Variants in ACOXL observed in about 807,000 individuals in gnomAD.
ACOXL encodes acyl-CoA oxidase like, also known as acyl-coenzyme A oxidase-like protein.
Under a neutral mutation model 71.9 loss-of-function variants are expected in ACOXL, and 70 were observed. The observed-to-expected ratio is 0.97, with a 90% confidence interval of 0.80 to 1.19. The LOEUF is 1.19. Among genes scored for constraint, ACOXL ranks in the 50% most tolerant of loss-of-function variants. The probability of loss-of-function intolerance (pLI) is 0.00; values close to 1 mark genes in which losing one functional copy is unlikely to be tolerated. For synonymous variants in ACOXL, 253 were observed against 281.6 expected (o/e 0.90, Z 1.02); for missense variants, 703 against 736.3 (o/e 0.95, Z 0.52).
At chr2:110,892,011 G>A (rs12328918) in intron 10 of ACOXL, among the ~76,000 whole-genome samples, 50,004 of 151,992 alleles carry the variant, frequency 0.33, 8,431 homozygotes, top group Middle Eastern at 0.39. Context: ...CAAAAACTCA[G>A]ATGACCTTGT....
chr2:110,993,715 G>A (rs1473222986), intron 13 of ACOXL, among the ~76,000 whole-genome samples: 2 of 152,126 alleles, frequency 1.3e-5, no homozygotes, highest in African/African-American at 4.8e-5. Flanking sequence ...ACAACATTTT[G>A]CAAAGAGATT....
chr2:110,787,504 A>G (rs959854683), intron 3 of ACOXL, among the ~76,000 whole-genome samples: 1 of 147,720 alleles, frequency 6.8e-6, no homozygotes, highest in African/African-American at 2.5e-5. Flanking sequence ...ACTGCATTCC[A>G]GCCTGGGTGA....
intron 12 of ACOXL, among the ~76,000 whole-genome samples, chr2:110,980,383 G>A (rs1176929033): frequency 6.6e-6 from 1 of 152,244 alleles, no homozygotes; most frequent in Admixed American, 6.5e-5. Context: ...GAGCGAAAAT[G>A]TGTGCAGGGG....
chr2:110,978,902 A>G (rs1385169670), intron 12 of ACOXL, among the ~76,000 whole-genome samples: 2 of 152,180 alleles, frequency 1.3e-5, no homozygotes, highest in Non-Finnish European at 2.9e-5. Flanking sequence ...TTCAGTTGAA[A>G]AAAATTCCAC....
chr2:111,052,911 A>C (rs897827267), intron 16 of ACOXL, among the ~76,000 whole-genome samples: 7 of 152,106 alleles, frequency 4.6e-5, no homozygotes, highest in Non-Finnish European at 8.8e-5. Context: ...CGGAGCTGCC[A>C]TGGAAGTTTC....
intron 10 of ACOXL, among the ~76,000 whole-genome samples, chr2:110,849,940 A>T (rs749017969): frequency 1.3e-5 from 2 of 152,244 alleles, no homozygotes; most frequent in Non-Finnish European, 2.9e-5. Context: ...ACATAGGAAG[A>T]AGTCAGGAGC....
In ACOXL at chr2:110,983,896, C is replaced by T. The variant is rs150838522; in HGVS notation, c.1060-3212C>T. 4.0e-3 allele frequency among the ~76,000 whole-genome samples: 615 copies of T among 152,250 alleles called. 7 individuals are homozygous for T. Among genetic ancestry groups the T allele is most frequent in the African/African-American group, 0.014 (591 of 41,536 alleles). On this transcript the variant is annotated intron_variant, in intron 12 of 17. Transcript: ENST00000439055. The stretch of plus-strand genomic sequence containing the variant: ...ACAGAGTCTCACTCTGTCGCCCAGG[C>T]TGGAGTGCAGTGATGTGATCTCAGC...
chr2:111,013,075 TA>T (rs1333263698), intron 14 of ACOXL, among the ~76,000 whole-genome samples: 7 of 152,062 alleles, frequency 4.6e-5, no homozygotes, highest in Non-Finnish European at 1.0e-4. Context: ...AAGTACAAAT[TA>T]ACAACGTCAA....
chr2:111,021,080 T>C (rs1558877472), intron 14 of ACOXL, among the ~76,000 whole-genome samples: 1 of 152,136 alleles, frequency 6.6e-6, no homozygotes, highest in Non-Finnish European at 1.5e-5. Flanking sequence ...TTTCACCTGC[T>C]CCACCTTGCA....
At chr2:110,908,701 A>AT in intron 10 of ACOXL, 88 bp from the exon 11 acceptor site, 1 of 1,042,008 alleles carries the variant, frequency 9.6e-7, no homozygotes. Context: ...TGGAAGGCAA[A>AT]TGGCTAGCCA....
intron 14 of ACOXL, among the ~76,000 whole-genome samples, chr2:110,996,761 C>G (rs928879379): frequency 1.3e-5 from 2 of 152,134 alleles, no homozygotes; most frequent in African/African-American, 4.8e-5. Flanking sequence ...ATTTCAAGGT[C>G]ATGTCTCCTA....
Position 110,793,705 on chromosome 2 carries a change from A to C in ACOXL, c.215A>C (p.Glu72Ala). 1.2e-6 allele frequency: 2 copies of C among 1,614,162 alleles called. No homozygotes were observed. Among genetic ancestry groups the C allele is most frequent in the Non-Finnish European group, 1.7e-6 (2 of 1,180,022 alleles). ...GCTATCAGGAATCTCGGAAGCCCTG[A>C]ACATGTTACTAAGTGGTTTCAGCCA... is the stretch of plus-strand genomic sequence containing the variant. ...GGAIRNLGSP[E>A]HVTKWFQPLQ... Residue 72 changes from glutamate (E) to alanine (A), a missense_variant, in exon 4 of 18, where the codon GAA (glutamate) becomes GCA (alanine). Physicochemically the swap from Glu to Ala is moderately radical, Grantham distance 107. Coordinates refer to ENST00000439055, the MANE Select transcript of ACOXL (RefSeq NM_001142807.4).
intron 1 of ACOXL, among the ~76,000 whole-genome samples, chr2:110,736,739 C>T (rs903488783): frequency 1.3e-5 from 2 of 151,892 alleles, no homozygotes; most frequent in African/African-American, 4.8e-5. Context: ...CCTGCCTCAG[C>T]TTCCTGAGTA....
chr2:110,985,351 T>C (rs1299157327), intron 12 of ACOXL, among the ~76,000 whole-genome samples: 2 of 152,152 alleles, frequency 1.3e-5, no homozygotes, highest in Non-Finnish European at 2.9e-5. Flanking sequence ...TTTTTGACAA[T>C]AAATATTTTG....
intron 12 of ACOXL, among the ~76,000 whole-genome samples, chr2:110,973,407 G>A (rs1017866): frequency 6.6e-6 from 1 of 151,844 alleles, no homozygotes; most frequent in African/African-American, 2.4e-5. Flanking sequence ...TCACGATCAC[G>A]CTGCCCTCAT....
intron 14 of ACOXL, among the ~76,000 whole-genome samples, chr2:111,031,074 C>G (rs2065242283): frequency 6.6e-6 from 1 of 152,224 alleles, no homozygotes; most frequent in African/African-American, 2.4e-5. Flanking sequence ...AGCTATTTGT[C>G]ACATGCATAA....
intron 3 of ACOXL, among the ~76,000 whole-genome samples, chr2:110,789,402 C>T (rs957415575): frequency 6.6e-6 from 1 of 152,154 alleles, no homozygotes; most frequent in African/African-American, 2.4e-5. Flanking sequence ...GCTTGGACTG[C>T]TATAACAAAA....
rs142130834 is a variant in ACOXL at position 111,001,120 on chromosome 2, A to G, written c.1281+5116A>G. On this transcript the variant is annotated intron_variant, in intron 14 of 17. Transcript: ENST00000439055. ...CTGAGTTTACAAGTATGTCTTTCAG[A>G]CTCTCTCAATTATACAATAAAGCTC... 2.7e-3 allele frequency among the ~76,000 whole-genome samples: 416 copies of G among 152,124 alleles called. 3 individuals are homozygous for G. Among genetic ancestry groups the G allele is most frequent in the African/African-American group, 9.4e-3 (390 of 41,492 alleles).
chr2:111,095,969 G>C (rs1473161752), intron 17 of ACOXL, among the ~76,000 whole-genome samples: 1 of 152,178 alleles, frequency 6.6e-6, no homozygotes, highest in Non-Finnish European at 1.5e-5. Context: ...GGATCTCAAG[G>C]CTTTAGAGAA....
Sources: allele counts gnomAD v4.1 joint callset (sites outside exome capture counted in the v4.1 genomes callset), GRCh38; gene constraint gnomAD v4.1.1; transcripts MANE v1.5; gene names NCBI Gene and HGNC (gene_info 2026-07-23, HGNC 2026-07-21).